The following HPSE2 variants were observed in gnomAD, a reference collection of about 807,000 sequenced individuals.
The protein encoded by HPSE2 is heparanase 2 (inactive), also known as inactive heparanase-2.
Under a neutral mutation model 60.5 loss-of-function variants are expected in HPSE2, and 38 were observed. The ratio of observed to expected loss-of-function variants is 0.63; its 90% CI spans 0.48 to 0.82. The LOEUF is 0.82. Among genes scored for constraint, HPSE2 ranks in the 40% least tolerant of loss-of-function variants. The probability of loss-of-function intolerance (pLI) is 0.00; values close to 1 mark genes in which losing one functional copy is unlikely to be tolerated. For synonymous variants in HPSE2, 295 were observed against 293.2 expected (o/e 1.01, Z -0.06); for missense variants, 713 against 740.4 (o/e 0.96, Z 0.43).
At chr10:98,541,226 T>C (rs1173510811) in intron 9 of HPSE2, among the ~76,000 whole-genome samples, 1 of 152,222 alleles carries the variant, frequency 6.6e-6, no homozygotes, top group African/African-American at 2.4e-5. Context: ...AAAGGCGATC[T>C]TTGTTCTTTT....
intron 3 of HPSE2, among the ~76,000 whole-genome samples, chr10:98,994,319 G>C (rs146446094): frequency 8.2e-4 from 125 of 152,244 alleles, no homozygotes; most frequent in African/African-American, 2.7e-3. Flanking sequence ...TATTGTCCTA[G>C]GTATATATAG....
At chr10:99,285,274 GA>G in the HPSE2 span, among the ~76,000 whole-genome samples, 4 of 147,548 alleles carry the variant, frequency 2.7e-5, no homozygotes, top group African/African-American at 7.5e-5. Flanking sequence ...ACAAAAAAAG[GA>G]AAAAAAAATT....
chr10:98,983,150 C>T lies in HPSE2; in HGVS notation c.610+161088G>A, dbSNP rs117568800. Among the ~76,000 whole-genome samples, 63 of 152,260 alleles carry T rather than the reference C, an allele frequency of 4.1e-4. No homozygotes were observed. The East Asian group carries it at 0.01, about 25-fold the overall frequency. ...AGAACTGGAAGGCAGGGGATGGTTG[C>T]GGCATCATTCAAGCACATTACATTT... On this transcript the variant is annotated intron_variant, in intron 3 of 11. Coordinates refer to ENST00000370552, the MANE Select transcript of HPSE2 (RefSeq NM_021828.5).
chr10:99,213,754 A>G (rs1269684473), intron 2 of HPSE2, among the ~76,000 whole-genome samples: 1 of 152,172 alleles, frequency 6.6e-6, no homozygotes, highest in Non-Finnish European at 1.5e-5. Context: ...TCTGTTCCTT[A>G]TAATCTATGC....
At chr10:98,756,491 C>T (rs984970233) in intron 3 of HPSE2, among the ~76,000 whole-genome samples, 1 of 151,920 alleles carries the variant, frequency 6.6e-6, no homozygotes, top group South Asian at 2.1e-4. Context: ...GGGGACATTA[C>T]CACTGAACCT....
At chr10:99,136,972 G>A (rs553765286) in intron 3 of HPSE2, among the ~76,000 whole-genome samples, 2 of 152,294 alleles carry the variant, frequency 1.3e-5, no homozygotes, top group East Asian at 3.9e-4. Context: ...CAGATGACAT[G>A]ATTGTATATT....
chr10:99,169,411 A>C (rs1281758519), intron 2 of HPSE2, among the ~76,000 whole-genome samples: 3 of 146,076 alleles, frequency 2.1e-5, no homozygotes, highest in African/African-American at 7.6e-5. Context: ...AAGGTGAGGC[A>C]GGAGAATTCC....
At chr10:98,737,818 A>G (rs1224500786) in intron 4 of HPSE2, among the ~76,000 whole-genome samples, 4 of 152,192 alleles carry the variant, frequency 2.6e-5, no homozygotes, top group Admixed American at 2.6e-4. Flanking sequence ...GCTCAAGGAA[A>G]TAAGAGAGGA....
intron 9 of HPSE2, among the ~76,000 whole-genome samples, chr10:98,530,989 A>C (rs1943114153): frequency 6.6e-6 from 1 of 152,034 alleles, no homozygotes; most frequent in South Asian, 2.1e-4. Context: ...CTGCCTGGCC[A>C]TTTTCTTCTT....
At chr10:98,718,400 C>G (rs1948841357) in intron 5 of HPSE2, among the ~76,000 whole-genome samples, 3 of 152,106 alleles carry the variant, frequency 2.0e-5, no homozygotes. Flanking sequence ...TCTGTAACTA[C>G]CTCAATAAAA....
At chr10:98,815,864 C>T (rs1263038506) in intron 3 of HPSE2, among the ~76,000 whole-genome samples, 1 of 151,972 alleles carries the variant, frequency 6.6e-6, no homozygotes, top group African/African-American at 2.4e-5. Flanking sequence ...ATGATGAGTT[C>T]ATGTCCTTTG....
the HPSE2 span, among the ~76,000 whole-genome samples, chr10:99,241,535 T>C: frequency 4.6e-5 from 7 of 152,166 alleles, no homozygotes; most frequent in East Asian, 1.9e-4. Context: ...GACGGGAGGA[T>C]TGCTCGAGCC....
chr10:99,205,701 T>C (rs1848723429), intron 2 of HPSE2, among the ~76,000 whole-genome samples: 1 of 152,070 alleles, frequency 6.6e-6, no homozygotes, highest in African/African-American at 2.4e-5. Context: ...AAAAGAAATG[T>C]AAAAAGATAT....
At chr10:98,800,493 T>C (rs1055155002) in intron 3 of HPSE2, among the ~76,000 whole-genome samples, 3 of 147,984 alleles carry the variant, frequency 2.0e-5, no homozygotes, top group Non-Finnish European at 3.0e-5. Flanking sequence ...TTATACAATA[T>C]ATAAATATAA....
At chr10:98,952,223 T>C (rs1409768112) in intron 3 of HPSE2, among the ~76,000 whole-genome samples, 1 of 152,138 alleles carries the variant, frequency 6.6e-6, no homozygotes, top group Non-Finnish European at 1.5e-5. Context: ...CACCTGTTTT[T>C]CCCGTGGCTC....
chr10:99,125,777 G>A (rs551583935), intron 3 of HPSE2, among the ~76,000 whole-genome samples: 3 of 152,180 alleles, frequency 2.0e-5, no homozygotes, highest in Non-Finnish European at 4.4e-5. Flanking sequence ...GCAAAATACA[G>A]AAGTAGAACC....
chr10:98,492,534 A>G (rs1740789469), intron 9 of HPSE2, among the ~76,000 whole-genome samples: 1 of 151,740 alleles, frequency 6.6e-6, no homozygotes, highest in South Asian at 2.1e-4. Context: ...AAAGAAAAGA[A>G]AAGAGATATT....
At chr10:99,018,575 T>C (rs1957193296) in intron 3 of HPSE2, among the ~76,000 whole-genome samples, 1 of 150,862 alleles carries the variant, frequency 6.6e-6, no homozygotes, top group Non-Finnish European at 1.5e-5. Context: ...GGGTATTAAC[T>C]TACAGAGTAG....
intron 3 of HPSE2, among the ~76,000 whole-genome samples, chr10:99,020,333 G>C (rs1295614821): frequency 6.6e-6 from 1 of 152,256 alleles, no homozygotes; most frequent in East Asian, 1.9e-4. Context: ...TTCAACGAAT[G>C]TATAGTTGTT....
Sources: allele counts gnomAD v4.1 joint callset (sites outside exome capture counted in the v4.1 genomes callset), GRCh38; gene constraint gnomAD v4.1.1; transcripts MANE v1.5; gene names NCBI Gene and HGNC (gene_info 2026-07-23, HGNC 2026-07-21).